The following CALCR variants were observed in gnomAD, a reference collection of about 807,000 sequenced individuals.
CALCR encodes calcitonin receptor.
In CALCR, 47 loss-of-function variants were observed where a neutral mutation model predicts 59.5. The ratio of observed to expected loss-of-function variants is 0.79; its 90% CI spans 0.63 to 1.01. The LOEUF is 1.01. CALCR is among the 50% of genes least tolerant of loss of function. The pLI is 0.00. For synonymous variants in CALCR, 213 were observed against 211.3 expected (o/e 1.01, Z -0.07); for missense variants, 566 against 597.1 (o/e 0.95, Z 0.54).
intron 8 of CALCR, among the ~76,000 whole-genome samples, chr7:93,452,834 AAAC>A (rs200097895): frequency 1.1e-4 from 16 of 149,044 alleles, no homozygotes; most frequent in East Asian, 4.3e-4. Context: ...TTAAAAAACA[AAAC>A]AACAACAACA....
intron 2 of CALCR, among the ~76,000 whole-genome samples, chr7:93,498,852 C>T (rs1801264556): frequency 6.6e-6 from 1 of 151,584 alleles, no homozygotes; most frequent in Admixed American, 6.6e-5. Context: ...TTGTAATTAG[C>T]ATGTTCAAGG....
chr7:93,509,898 A>G (rs977021947), intron 2 of CALCR, among the ~76,000 whole-genome samples: 3 of 152,204 alleles, frequency 2.0e-5, no homozygotes, highest in Non-Finnish European at 2.9e-5. Context: ...ATAAAATACC[A>G]TTTACTTACA....
In CALCR at chr7:93,426,516, G is replaced by C. The variant is rs370893082; in HGVS notation, c.1265C>G (p.Ser422Cys). 6.2e-7 allele frequency: 1 copy of C among 1,614,028 alleles called. No individual in the cohort carries two copies. The highest frequency in any genetic ancestry group is 1.3e-5 in the African/African-American group (1 of 75,064). Residue 422 changes from serine to cysteine, a missense_variant, in exon 14 of 14, where the codon TCC becomes TGC. Physicochemically the swap from Ser to Cys is moderately radical, Grantham distance 112. Transcript: ENST00000426151. ...QWNQRWGRRP[S>C]NRSARAAAAA... ...GGCTGCAGCGCGAGCAGAGCGGTTG[G>C]AGGGGCGCCTCCCCCAACGCTGGTT...
Position 93,468,819 on chromosome 7 carries a change from A to T in CALCR, c.430-13T>A. 1.0e-6 allele frequency: 1 copy of T among 979,738 alleles called. No homozygotes were observed. The highest frequency in any genetic ancestry group is 1.5e-6 in the Non-Finnish European group (1 of 675,308). 60.7% of individuals were successfully genotyped at this position (979,738 alleles called of 1,614,324 possible). ...GAACATATGCATTCTGGAACAACAAAAAGTAAACAAACAAACAATGAATGA... is the reference window on the plus strand; with the variant it reads ...GAACATATGCATTCTGGAACAACAATAAGTAAACAAACAAACAATGAATGA... On this transcript the variant is annotated splice_polypyrimidine_tract_variant and intron_variant, in intron 6 of 13. Transcript: ENST00000426151.
rs202076041 is a variant in CALCR, at chr7:93,435,813, AT to A, written c.1149+138del. The stretch of plus-strand genomic sequence containing the variant: ...AGAGCGAGACTCTGTGTCAAAAAAA[AT>A]AAAATAAAATAATAAATAAATAAAT... On this transcript the variant is annotated intron_variant, in intron 12 of 13. Coordinates refer to ENST00000426151, the MANE Select transcript of CALCR (RefSeq NM_001742.4). 7.8e-3 allele frequency: 1,740 copies of A among 221,658 alleles called. 6 individuals are homozygous for A. Among genetic ancestry groups the A allele is most frequent in the Non-Finnish European group, 9.2e-3 (1,220 of 132,608 alleles). The allele number at this position is 221,658 out of a possible 1,614,324, so 13.7% of individuals were successfully genotyped here.
intron 2 of CALCR, among the ~76,000 whole-genome samples, chr7:93,560,493 G>A (rs1328137661): frequency 6.6e-6 from 1 of 151,966 alleles, no homozygotes; most frequent in African/African-American, 2.4e-5. Context: ...GTGACCTTCA[G>A]CCACGGCCTC....
chr7:93,538,489 C>A (rs1352204770), intron 2 of CALCR, among the ~76,000 whole-genome samples: 2 of 152,052 alleles, frequency 1.3e-5, no homozygotes, highest in Non-Finnish European at 2.9e-5. Flanking sequence ...ATGCTCAGAT[C>A]TTCCCTCAGG....
chr7:93,474,322 G>A (rs1800620620), intron 5 of CALCR, among the ~76,000 whole-genome samples: 1 of 151,372 alleles, frequency 6.6e-6, no homozygotes, highest in Admixed American at 6.6e-5. Context: ...AACTAAAATG[G>A]CACTGAAATA....
chr7:93,476,611 C>G (rs1019055948), intron 5 of CALCR, among the ~76,000 whole-genome samples: 1 of 151,778 alleles, frequency 6.6e-6, no homozygotes, highest in Non-Finnish European at 1.5e-5. Flanking sequence ...TTTATCAAAA[C>G]CTTGCCTTGT....
chr7:93,557,907 A>G (rs1229591417), intron 2 of CALCR, among the ~76,000 whole-genome samples: 2 of 151,952 alleles, frequency 1.3e-5, no homozygotes, highest in Non-Finnish European at 2.9e-5. Flanking sequence ...TTTCAGCTTC[A>G]TGGTATGTTT....
intron 2 of CALCR, among the ~76,000 whole-genome samples, chr7:93,511,162 T>C (rs1283116469): frequency 6.6e-6 from 1 of 152,014 alleles, no homozygotes; most frequent in Non-Finnish European, 1.5e-5. Context: ...GACACAAACA[T>C]ATGTAATTAA....
intron 2 of CALCR, among the ~76,000 whole-genome samples, chr7:93,553,717 T>A (rs1789524347): frequency 6.6e-6 from 1 of 152,186 alleles, no homozygotes; most frequent in South Asian, 2.1e-4. Flanking sequence ...ACATGCGAAG[T>A]GCTTTGAAAA....
chr7:93,427,933 C>G lies in CALCR; in HGVS notation c.1192-1344G>C, dbSNP rs1584528424. On this transcript the variant is annotated intron_variant, in intron 13 of 13. Coordinates refer to ENST00000426151, the MANE Select transcript of CALCR (RefSeq NM_001742.4). ...AAGGTTCGAGGTGACAAATGGCAATCAGAATTATTTAGCAATCTGATAATT... is the reference window on the plus strand; with the variant it reads ...AAGGTTCGAGGTGACAAATGGCAATGAGAATTATTTAGCAATCTGATAATT... Among the ~76,000 whole-genome samples the G allele has an allele frequency of 2.6e-5, 4 of 152,192 alleles. No homozygotes were observed. In the South Asian group the frequency reaches 8.3e-4, roughly 32 times the overall value.
chr7:93,493,178 A>C (rs543283002), intron 2 of CALCR, among the ~76,000 whole-genome samples: 6 of 151,522 alleles, frequency 4.0e-5, no homozygotes, highest in African/African-American at 1.4e-4. Context: ...ACAAAATTGC[A>C]TACACATGTT....
intron 2 of CALCR, among the ~76,000 whole-genome samples, chr7:93,568,629 T>C (rs76520548): frequency 0.066 from 10,019 of 151,606 alleles, 470 homozygotes; most frequent in Middle Eastern, 0.14. Flanking sequence ...TAAATATTGG[T>C]GCTTTCCAGG....
chr7:93,485,793 A>G lies in CALCR; in HGVS notation c.51+1138T>C, dbSNP rs574199978. ...AGAAAATTTTACTGTAATTTATCTAAAGAAATATTTAATAGGATAAAATGA... is the reference window on the plus strand; with the variant it reads ...AGAAAATTTTACTGTAATTTATCTAGAGAAATATTTAATAGGATAAAATGA... On this transcript the variant is annotated intron_variant, in intron 3 of 13. Coordinates refer to ENST00000426151, the MANE Select transcript of CALCR (RefSeq NM_001742.4). 9.9e-4 allele frequency among the ~76,000 whole-genome samples: 150 copies of G among 151,710 alleles called. No homozygotes were observed. In the Middle Eastern group the frequency reaches 0.017, roughly 17 times the overall value.
At position 93,486,970 on chromosome 7, in the gene CALCR, T is replaced by G. The variant is rs144208150; in HGVS notation, c.12A>C (p.Thr4=). 5 of 1,602,138 alleles carry G rather than the reference T, an allele frequency of 3.1e-6. No individual in the cohort carries two copies. In the African/African-American group the frequency reaches 6.7e-5, roughly 22 times the overall value. Residue 4 remains threonine (T), a synonymous_variant, in exon 3 of 14, where the codon ACA becomes ACC. Transcript: ENST00000426151. MRF[T]FTSRCLALFL... is the part of the protein sequence containing the mutation. ...ACAGTGCCAAGCACCGGCTTGTAAA[T>G]GTGAACCTCATTTTTGATTTTTGAA...
intron 8 of CALCR, among the ~76,000 whole-genome samples, chr7:93,453,361 C>T (rs1174863175): frequency 6.6e-6 from 1 of 151,992 alleles, no homozygotes; most frequent in African/African-American, 2.4e-5. Context: ...AAGTAACTTA[C>T]TCAATATTAA....
chr7:93,455,373 T>C (rs571483818), intron 8 of CALCR, among the ~76,000 whole-genome samples: 2 of 152,156 alleles, frequency 1.3e-5, no homozygotes, highest in African/African-American at 4.8e-5. Flanking sequence ...TTCAATAACT[T>C]CTCTTTCCCC....
Sources: allele counts gnomAD v4.1 joint callset (sites outside exome capture counted in the v4.1 genomes callset), GRCh38; gene constraint gnomAD v4.1.1; transcripts MANE v1.5; gene names NCBI Gene and HGNC (gene_info 2026-07-23, HGNC 2026-07-21).